EIF4G3: variants seen among roughly 807,000 people sequenced by gnomAD.
The protein encoded by EIF4G3 is eIF-4-gamma 3.
In EIF4G3, 34 loss-of-function variants were observed where a neutral mutation model predicts 186.4. The observed-to-expected ratio is 0.18, with a 90% CI of 0.14 to 0.24. The LOEUF is 0.24. EIF4G3 is among the 10% of genes least tolerant of loss of function. The pLI, the probability that EIF4G3 is intolerant of heterozygous loss-of-function variation, is 1.00. For synonymous variants in EIF4G3, 673 were observed against 679.5 expected, an observed-to-expected ratio of 0.99 and a Z score of 0.15; for missense variants, 1,536 against 1,948.5, an observed-to-expected ratio of 0.79 and a Z score of 3.99.
intron 3 of EIF4G3, among the ~76,000 whole-genome samples, chr1:21,053,281 G>T (rs1462290262): frequency 6.6e-5 from 10 of 151,540 alleles, no homozygotes; most frequent in Admixed American, 6.6e-5. Context: ...CCCCGTCTGA[G>T]AAGTGAGGAG....
At chr1:20,978,829 A>G (rs1347249600) in intron 10 of EIF4G3, among the ~76,000 whole-genome samples, 2 of 152,132 alleles carry the variant, frequency 1.3e-5, no homozygotes, top group Non-Finnish European at 2.9e-5. Flanking sequence ...ATATCAACCA[A>G]GGTAACAGAA....
chr1:21,050,374 A>G (rs2094138866), intron 4 of EIF4G3, among the ~76,000 whole-genome samples: 1 of 152,228 alleles, frequency 6.6e-6, no homozygotes, highest in Non-Finnish European at 1.5e-5. Context: ...AATTCTTCTA[A>G]CAGTTCAACA....
At chr1:20,838,066 A>C (rs1391060157) in intron 30 of EIF4G3, among the ~76,000 whole-genome samples, 1 of 152,216 alleles carries the variant, frequency 6.6e-6, no homozygotes, top group African/African-American at 2.4e-5. Flanking sequence ...TGTCTAAATA[A>C]AAGGTAGTAG....
intron 6 of EIF4G3, chr1:20,999,722 T>A: frequency 2.2e-6 from 1 of 454,740 alleles, no homozygotes. Flanking sequence ...CTAGTCACCA[T>A]TGGCTATTGA....
rs75245116 is a variant in EIF4G3, at chr1:20,997,361, GAA to G, written c.177+238_177+239del. On this transcript the variant is annotated intron_variant, in intron 7 of 36. Coordinates refer to ENST00000602326, the MANE Select transcript of EIF4G3 (RefSeq NM_001391906.1). ...AAAATTTAAAAACAATGCTTGGCAA[GAA>G]AAAAAAAACTGTAGCATTTTTTAAA... 3.3e-5 allele frequency among the ~76,000 whole-genome samples: 5 copies of G among 149,302 alleles called. No homozygotes were observed. In the East Asian group the frequency reaches 5.8e-4, roughly 17 times the overall value.
Position 20,829,002 on chromosome 1 carries a change from C to T in EIF4G3, c.4187+145G>A. 1.1e-5 allele frequency: 9 copies of T among 844,688 alleles called. No individual in the cohort carries two copies. The South Asian group carries it at 1.7e-4, about 16-fold the overall frequency. The allele number at this position is 844,688 out of a possible 1,614,324, so 52.3% of individuals were successfully genotyped here. ...CCTAGCATAAGGTAACATTTTTACACTGAAATCAGAAGTCTTAAAGAGTCA... is the reference window on the plus strand; with the variant it reads ...CCTAGCATAAGGTAACATTTTTACATTGAAATCAGAAGTCTTAAAGAGTCA... On this transcript the variant is annotated intron_variant, in intron 31 of 36. Transcript: ENST00000602326.
At chr1:21,026,729 C>A (rs2092147910) in intron 4 of EIF4G3, among the ~76,000 whole-genome samples, 1 of 151,950 alleles carries the variant, frequency 6.6e-6, no homozygotes, top group Non-Finnish European at 1.5e-5. Context: ...GTGGGGAAAT[C>A]ACTTGAGGCC....
At chr1:20,813,635 A>C (rs1210093315) in intron 34 of EIF4G3, among the ~76,000 whole-genome samples, 1 of 151,906 alleles carries the variant, frequency 6.6e-6, no homozygotes, top group South Asian at 2.1e-4. Flanking sequence ...GGGAGGCTGA[A>C]GAGGATGGAT....
At chr1:21,079,268 T>A (rs1241196072) in intron 3 of EIF4G3, among the ~76,000 whole-genome samples, 1 of 152,134 alleles carries the variant, frequency 6.6e-6, no homozygotes, top group East Asian at 1.9e-4. Flanking sequence ...ACCTGGCAAA[T>A]ACTCAACAGT....
chr1:21,022,224 C>T (rs898101844), intron 4 of EIF4G3, among the ~76,000 whole-genome samples: 2 of 152,178 alleles, frequency 1.3e-5, no homozygotes, highest in Non-Finnish European at 2.9e-5. Flanking sequence ...TGAAATAGTA[C>T]TGGCTGACTA....
At chr1:20,900,636 C>T (rs2053982) in intron 15 of EIF4G3, among the ~76,000 whole-genome samples, 143,605 of 152,166 alleles carry the variant, frequency 0.94, 68,311 homozygotes, top group Middle Eastern at 1. Context: ...ACCATCTTAG[C>T]GTCAGATATC....
chr1:20,863,539 G>A (rs2076885028), intron 22 of EIF4G3, among the ~76,000 whole-genome samples: 1 of 150,430 alleles, frequency 6.6e-6, no homozygotes, highest in South Asian at 2.1e-4. Context: ...CTGCCTCCCG[G>A]GTTCAAGCAA....
Position 21,050,866 on chromosome 1 carries a change from T to C in EIF4G3, c.-67A>G, listed in dbSNP as rs2094172249. 2.9e-6 allele frequency: 2 copies of C among 695,670 alleles called. No homozygotes were observed. The highest frequency in any genetic ancestry group is 2.6e-6 in the Non-Finnish European group (1 of 379,898). The allele number at this position is 695,670 out of a possible 1,614,324, so 43.1% of individuals were successfully genotyped here. ...TTTTTTTAAAAAAGGTTTATCTTAC[T>C]TGAGAGAGTCCAGGGGACGATGCAT... On this transcript the variant is annotated splice_region_variant and 5_prime_UTR_variant, in exon 4 of 37. Coordinates refer to ENST00000602326, the MANE Select transcript of EIF4G3 (RefSeq NM_001391906.1).
At chr1:21,157,118 T>C (rs898633931) in intron 2 of EIF4G3, among the ~76,000 whole-genome samples, 10 of 152,118 alleles carry the variant, frequency 6.6e-5, no homozygotes, top group African/African-American at 2.4e-4. Flanking sequence ...TTCTCCAAAA[T>C]TGTCAGATGC....
chr1:21,033,681 G>A (rs140628069), intron 4 of EIF4G3, among the ~76,000 whole-genome samples: 2 of 152,308 alleles, frequency 1.3e-5, no homozygotes, highest in East Asian at 3.9e-4. Flanking sequence ...TTTATGTAAT[G>A]CAGCCTTTAT....
intron 3 of EIF4G3, among the ~76,000 whole-genome samples, chr1:21,054,199 C>T (rs1348714268): frequency 1.3e-5 from 2 of 151,840 alleles, no homozygotes. Flanking sequence ...GAAACATGTG[C>T]TGTGTCCACT....
At chr1:20,981,663 ACG>A (rs1295461811) in intron 8 of EIF4G3, among the ~76,000 whole-genome samples, 16 of 132,276 alleles carry the variant, frequency 1.2e-4, no homozygotes, top group East Asian at 9.3e-4. Context: ...ATACATGTAT[ACG>A]CACATACTGT....
chr1:21,152,665 G>A (rs921536322), intron 2 of EIF4G3, among the ~76,000 whole-genome samples: 6 of 151,940 alleles, frequency 3.9e-5, no homozygotes, highest in African/African-American at 7.3e-5. Context: ...AGGTCATTGC[G>A]GTATTAGCTA....
intron 3 of EIF4G3, among the ~76,000 whole-genome samples, chr1:21,061,838 C>T (rs1232676440): frequency 6.6e-6 from 1 of 151,216 alleles, no homozygotes; most frequent in Non-Finnish European, 1.5e-5. Context: ...ACCTTCACCT[C>T]CTGGTTTCAA....
Sources: gnomAD v4.1 joint callset for allele counts (sites outside exome capture counted in the v4.1 genomes callset) on GRCh38, gnomAD v4.1.1 for gene constraint, MANE v1.5 for transcripts, NCBI Gene and HGNC (gene_info 2026-07-23, HGNC 2026-07-21) for gene names.